Variants in FBN1 observed in about 807,000 individuals in gnomAD.
The protein encoded by FBN1 is fibrillin-1.
In FBN1, 29 loss-of-function variants were observed where a neutral mutation model predicts 365.1. The observed-to-expected ratio is 0.08, with a 90% CI of 0.06 to 0.11. The LOEUF (loss-of-function observed/expected upper bound fraction) is 0.11, where lower values mean the gene tolerates loss of function less well. FBN1 is among the 10% of genes least tolerant of loss of function. The pLI is 1.00. For missense variants in FBN1, 2,476 were observed against 3,703.2 expected (o/e 0.67, Z 8.60); for synonymous variants, 1,210 against 1,270.5 (o/e 0.95, Z 1.01).
intron 2 of FBN1, among the ~76,000 whole-genome samples, chr15:48,632,965 A>G (rs1451786845): frequency 6.6e-6 from 1 of 152,208 alleles, no homozygotes; most frequent in Non-Finnish European, 1.5e-5. Context: ...GCAGTCCATG[A>G]AAGATTAAAA....
chr15:48,417,049 AG>A (rs2042907741), intron 63 of FBN1, among the ~76,000 whole-genome samples: 1 of 152,336 alleles, frequency 6.6e-6, no homozygotes, highest in African/African-American at 2.4e-5. Flanking sequence ...CACAGCCAGC[AG>A]CAGCAGGGCA....
chr15:48,489,913 A>C lies in FBN1; in HGVS notation c.3020T>G (p.Leu1007Arg), dbSNP rs794728200. 3.1e-6 allele frequency: 5 copies of C among 1,614,216 alleles called. No individual in the cohort carries two copies. Among genetic ancestry groups the C allele is most frequent in the Non-Finnish European group, 4.2e-6 (5 of 1,180,038 alleles). The part of the protein sequence containing the change: ...PMRNTPEYEE[L>R]CPRGPGFATK... ...GGCAAATCCGGGTCCTCTCGGACAC[A>C]GCTCCTCGTACTCAGGAGTATTTCT... Residue 1007 changes from leucine to arginine, a missense_variant, in exon 25 of 66, where the codon CTG becomes CGG. Coordinates refer to ENST00000316623, the MANE Select transcript of FBN1 (RefSeq NM_000138.5).
chr15:48,495,908 A>AAAATG (rs1430780753), intron 20 of FBN1, among the ~76,000 whole-genome samples, 192 bp downstream of exon 20: 1 of 152,248 alleles, frequency 6.6e-6, no homozygotes, highest in Non-Finnish European at 1.5e-5. Flanking sequence ...GATGGCAATT[A>AAAATG]AAATGCCAAT....
Position 48,505,143 on chromosome 15 carries a change from A to G in FBN1, c.1842T>C (p.Ile614=). Residue 614 remains isoleucine, a synonymous_variant, in exon 16 of 66, where the codon ATT becomes ATC. Coordinates refer to ENST00000316623, the MANE Select transcript of FBN1 (RefSeq NM_000138.5). ...LASDGRYCKD[I]NECETPGICM... ...AGATCCCAGGGGTTTCACACTCGTT[A>G]ATGTCTGTGGCAGAGAAAGGCACTT... 1 of 1,614,156 alleles carries G rather than the reference A, an allele frequency of 6.2e-7. No individual in the cohort carries two copies. Among genetic ancestry groups the G allele is most frequent in the Non-Finnish European group, 8.5e-7 (1 of 1,180,016 alleles).
intron 48 of FBN1, among the ~76,000 whole-genome samples, chr15:48,444,924 G>A (rs2043141916): frequency 3.5e-5 from 1 of 28,492 alleles, no homozygotes; most frequent in South Asian, 1.5e-3. Flanking sequence ...AAGTCAGTGA[G>A]TATATAGATT....
At chr15:48,440,479 AG>A (rs1235197542) in intron 50 of FBN1, among the ~76,000 whole-genome samples, 1 of 152,192 alleles carries the variant, frequency 6.6e-6, no homozygotes, top group Non-Finnish European at 1.5e-5. Context: ...AGGGAGTAGG[AG>A]TTAGAATTTA....
intron 7 of FBN1, among the ~76,000 whole-genome samples, chr15:48,534,522 G>A (rs1001154590): frequency 2.0e-5 from 3 of 152,088 alleles, no homozygotes; most frequent in East Asian, 1.9e-4. Flanking sequence ...ATAAAGATAC[G>A]TTTAAAAGGC....
chr15:48,479,350 G>A (rs535286090), intron 32 of FBN1, among the ~76,000 whole-genome samples: 10 of 152,178 alleles, frequency 6.6e-5, no homozygotes, highest in Non-Finnish European at 1.3e-4. Context: ...ACTTACCCAA[G>A]GAGAACATTT....
At chr15:48,445,915 A>T (rs1315088523) in intron 47 of FBN1, among the ~76,000 whole-genome samples, 1 of 152,144 alleles carries the variant, frequency 6.6e-6, no homozygotes, top group East Asian at 1.9e-4. Flanking sequence ...AATTTAAAGA[A>T]TTTGGCTTAT....
At chr15:48,556,427 T>C (rs2044181341) in intron 6 of FBN1, among the ~76,000 whole-genome samples, 1 of 152,206 alleles carries the variant, frequency 6.6e-6, no homozygotes, top group Non-Finnish European at 1.5e-5. Flanking sequence ...AAAACAATCC[T>C]TTTTGATGAG....
chr15:48,500,333 T>C lies in FBN1; in HGVS notation c.2114-1295A>G, dbSNP rs565350700. 1.3e-3 allele frequency among the ~76,000 whole-genome samples: 204 copies of C among 152,332 alleles called. 2 individuals are homozygous for C. The highest frequency in any genetic ancestry group is 3.1e-3 in the Admixed American group (48 of 15,300). ...GGAAGCAAATTATTGTCACCATTGT[T>C]TTCCATTTAGGCAGGATCTGGTACT... On this transcript the variant is annotated intron_variant, in intron 17 of 65. Coordinates refer to ENST00000316623, the MANE Select transcript of FBN1 (RefSeq NM_000138.5).
intron 32 of FBN1, among the ~76,000 whole-genome samples, chr15:48,475,547 TTAAC>T (rs1169053221): frequency 1.3e-5 from 2 of 152,186 alleles, no homozygotes; most frequent in Non-Finnish European, 2.9e-5. Flanking sequence ...AACTTTGTCA[TTAAC>T]TAAGAACAAG....
intron 6 of FBN1, among the ~76,000 whole-genome samples, chr15:48,570,147 T>G (rs1178424545): frequency 1.3e-5 from 2 of 152,204 alleles, no homozygotes; most frequent in Non-Finnish European, 2.9e-5. Flanking sequence ...TTTCTTACAC[T>G]CACTGGATAA....
chr15:48,453,277 A>G (rs1297276379), intron 44 of FBN1, among the ~76,000 whole-genome samples: 1 of 109,846 alleles, frequency 9.1e-6, no homozygotes, highest in African/African-American at 3.6e-5. Flanking sequence ...AAACAAACAA[A>G]CAAAAAATAA....
At chr15:48,596,206 G>A in intron 6 of FBN1, 77 bp downstream of exon 6, 1 of 1,290,406 alleles carries the variant, frequency 7.7e-7, no homozygotes, top group East Asian at 2.3e-5. Flanking sequence ...TAGCCATGCA[G>A]ACCCAATGTC....
rs149382705 is a variant in FBN1, at chr15:48,421,623, G to A, written c.7634C>T (p.Pro2545Leu). The change falls in exon 62 of 66, where the codon CCT (proline) becomes CTT (leucine). Residue 2545 changes from proline (P) to leucine (L), a missense_variant. By Grantham distance (98) the Pro-to-Leu change is moderately conservative. Transcript: ENST00000316623. ...CTGGCATTCACAGGTGAAGCTTCCA[G>A]GAGTGTTCTGGCAAATGCCCTTAGA... Reference protein sequence around the residue: ...CGSKGICQNTPGSFTCECQRG... With the variant: ...CGSKGICQNTLGSFTCECQRG... 1 of 1,613,878 alleles carries A rather than the reference G, an allele frequency of 6.2e-7. No individual in the cohort carries two copies. Among genetic ancestry groups the A allele is most frequent in the Non-Finnish European group, 8.5e-7 (1 of 1,179,942 alleles).
At chr15:48,449,422 C>T (rs1187340986) in intron 45 of FBN1, among the ~76,000 whole-genome samples, 1 of 152,128 alleles carries the variant, frequency 6.6e-6, no homozygotes, top group African/African-American at 2.4e-5. Context: ...TCCATCTTCA[C>T]CAAGTATTCA....
intron 12 of FBN1, 109 bp from the exon 13 acceptor site, chr15:48,513,777 A>G: frequency 8.1e-7 from 1 of 1,240,726 alleles, no homozygotes; most frequent in South Asian, 1.3e-5. Flanking sequence ...TTGAGAAATA[A>G]ATAACATAAT....
chr15:48,505,742 A>C lies in FBN1; in HGVS notation c.1838-595T>G, dbSNP rs895521740. 2.0e-5 allele frequency among the ~76,000 whole-genome samples: 3 copies of C among 152,250 alleles called. No individual in the cohort carries two copies. In the South Asian group the frequency reaches 6.2e-4, roughly 32 times the overall value. ...ACAGCACTGTATGCAGTTGGAACCC[A>C]GCAAAGAAAAATCTTTCTTAAACTT... On this transcript the variant is annotated intron_variant, in intron 15 of 65. Coordinates refer to ENST00000316623, the MANE Select transcript of FBN1 (RefSeq NM_000138.5).
Sources: gnomAD v4.1 joint callset for allele counts (sites outside exome capture counted in the v4.1 genomes callset) on GRCh38, gnomAD v4.1.1 for gene constraint, MANE v1.5 for transcripts, NCBI Gene and HGNC (gene_info 2026-07-23, HGNC 2026-07-21) for gene names.